The following KIAA1549L variants were observed in gnomAD, a reference collection of about 807,000 sequenced individuals.
KIAA1549L encodes the protein KIAA1549 like.
KIAA1549L carries 88 observed loss-of-function variants against 160.7 expected under a neutral mutation model. The ratio of observed to expected loss-of-function variants is 0.55; its 90% CI spans 0.46 to 0.65. The LOEUF is 0.65. Among genes scored for constraint, KIAA1549L ranks in the 30% least tolerant of loss-of-function variants. The pLI is 0.00. For synonymous variants in KIAA1549L, 950 were observed against 976.7 expected, an observed-to-expected ratio of 0.97 and a Z score of 0.51; for missense variants, 2,258 against 2,437.5, an observed-to-expected ratio of 0.93 and a Z score of 1.55.
intron 1 of KIAA1549L, among the ~76,000 whole-genome samples, chr11:33,507,966 C>A (rs1297558248): frequency 6.6e-6 from 1 of 152,184 alleles, no homozygotes; most frequent in South Asian, 2.1e-4. Flanking sequence ...TCAGGAATAA[C>A]TGTCAAAAAC....
intron 16 of KIAA1549L, among the ~76,000 whole-genome samples, chr11:33,619,351 AC>A (rs1850901784): frequency 6.6e-6 from 1 of 152,130 alleles, no homozygotes; most frequent in South Asian, 2.1e-4. Context: ...TTGAATCTAC[AC>A]CTAGGTTTGT....
intron 1 of KIAA1549L, among the ~76,000 whole-genome samples, chr11:33,396,233 C>A (rs1850370879): frequency 6.6e-6 from 1 of 152,128 alleles, no homozygotes; most frequent in Non-Finnish European, 1.5e-5. Flanking sequence ...ATTGGAACCC[C>A]ACCTTTCCCT....
chr11:33,392,852 C>T (rs1470686483), intron 1 of KIAA1549L, among the ~76,000 whole-genome samples: 1 of 152,174 alleles, frequency 6.6e-6, no homozygotes, highest in Non-Finnish European at 1.5e-5. Flanking sequence ...AGGTGTGAGC[C>T]ACTGGGCCTA....
chr11:33,658,649 G>A, intron 18 of KIAA1549L, 101 bp from the exon 19 acceptor site: 2 of 1,206,194 alleles, frequency 1.7e-6, no homozygotes, highest in Admixed American at 4.2e-5. Flanking sequence ...GAGGCTTGGA[G>A]GCAGCTGTCC....
intron 1 of KIAA1549L, among the ~76,000 whole-genome samples, chr11:33,491,484 C>T (rs888112461): frequency 2.0e-5 from 3 of 152,118 alleles, no homozygotes; most frequent in African/African-American, 7.2e-5. Context: ...GGAAGAAGGA[C>T]CTTCCAGTTT....
chr11:33,634,765 C>T (rs1221664082), intron 16 of KIAA1549L, among the ~76,000 whole-genome samples: 2 of 152,066 alleles, frequency 1.3e-5, no homozygotes, highest in African/African-American at 4.8e-5. Flanking sequence ...TCTGAAAGGT[C>T]CTCTCTGAAA....
chr11:33,395,061 A>G (rs933243807), intron 1 of KIAA1549L, among the ~76,000 whole-genome samples: 7 of 152,302 alleles, frequency 4.6e-5, no homozygotes, highest in African/African-American at 1.7e-4. Context: ...ACCTGACCCA[A>G]TTCATTTCTT....
chr11:33,521,973 A>G (rs1279322160), intron 1 of KIAA1549L, among the ~76,000 whole-genome samples: 3 of 152,224 alleles, frequency 2.0e-5, no homozygotes. Flanking sequence ...TTTAATGTAG[A>G]TAGACCTTAT....
intron 1 of KIAA1549L, among the ~76,000 whole-genome samples, chr11:33,521,503 T>C (rs1853492856): frequency 1.3e-5 from 2 of 152,240 alleles, no homozygotes; most frequent in African/African-American, 4.8e-5. Flanking sequence ...AATGCTGGAC[T>C]GTAGGAAGTA....
rs562802713 is a variant in KIAA1549L, at chr11:33,525,181, TAG to T, written c.239-16618_239-16617del. On this transcript the variant is annotated intron_variant, in intron 1 of 20. Coordinates refer to ENST00000658780, the MANE Select transcript of KIAA1549L (RefSeq NM_012194.3). ...ATACCAGGAAAACCGAAATAATTCA[TAG>T]AGTCTTTGAAAGAAGTGGCTTGCCA... Among the ~76,000 whole-genome samples, 36 of 152,272 alleles carry T rather than the reference TAG, an allele frequency of 2.4e-4. No individual in the cohort carries two copies. In the East Asian group the frequency reaches 5.4e-3, roughly 23 times the overall value.
chr11:33,558,665 C>T (rs978891064), intron 6 of KIAA1549L, among the ~76,000 whole-genome samples: 3 of 152,142 alleles, frequency 2.0e-5, no homozygotes, highest in Middle Eastern at 3.2e-3. Context: ...CATACATTGA[C>T]CCAGAAAGCT....
At chr11:33,492,578 TG>T (rs887105526) in intron 1 of KIAA1549L, among the ~76,000 whole-genome samples, 3 of 152,200 alleles carry the variant, frequency 2.0e-5, no homozygotes, top group African/African-American at 7.2e-5. Context: ...TTCTACTTTT[TG>T]TTATTTAGGC....
intron 1 of KIAA1549L, among the ~76,000 whole-genome samples, chr11:33,457,342 T>C (rs2132987948): frequency 6.6e-6 from 1 of 152,290 alleles, no homozygotes; most frequent in Middle Eastern, 3.4e-3. Flanking sequence ...TGGTCAAAGA[T>C]AGGAGAAGTT....
intron 1 of KIAA1549L, among the ~76,000 whole-genome samples, chr11:33,463,224 G>A (rs560732390): frequency 9.2e-5 from 14 of 152,158 alleles, no homozygotes; most frequent in South Asian, 4.2e-4. Flanking sequence ...CCATATACAC[G>A]TCACTTAGCA....
intron 1 of KIAA1549L, among the ~76,000 whole-genome samples, chr11:33,476,519 T>G (rs1202216607): frequency 6.6e-6 from 1 of 152,210 alleles, no homozygotes; most frequent in African/African-American, 2.4e-5. Flanking sequence ...TTAAAACTCT[T>G]CAAAGGATTC....
intron 16 of KIAA1549L, among the ~76,000 whole-genome samples, chr11:33,629,673 C>G (rs1469964298): frequency 0.012 from 1,861 of 149,282 alleles, 33 homozygotes; most frequent in African/African-American, 0.043. Context: ...ATTGATTATT[C>G]TAGTTATACA....
rs148655578 is a variant in KIAA1549L at position 33,508,170 on chromosome 11, C to T, written c.239-33632C>T. ...CATCTGCTCCAGGGAACCTAATTCC[C>T]ACATAAAACCTCTGCTGCAAGGGCA... On this transcript the variant is annotated intron_variant, in intron 1 of 20. Transcript: ENST00000658780. Among the ~76,000 whole-genome samples the T allele has an allele frequency of 2.3e-3, 353 of 152,330 alleles. 3 individuals carry two copies. The highest frequency in any genetic ancestry group is 8.0e-3 in the African/African-American group (331 of 41,578).
intron 1 of KIAA1549L, among the ~76,000 whole-genome samples, chr11:33,456,537 A>G (rs1199344646): frequency 1.3e-5 from 2 of 151,902 alleles, no homozygotes; most frequent in East Asian, 1.9e-4. Context: ...CAGCCTCCCT[A>G]GTAGCTGGGA....
chr11:33,514,465 T>A (rs1298603590), intron 1 of KIAA1549L, among the ~76,000 whole-genome samples: 1 of 152,192 alleles, frequency 6.6e-6, no homozygotes, highest in Non-Finnish European at 1.5e-5. Context: ...TGTGCCAGAT[T>A]AGGAGGACTT....
Sources: allele counts gnomAD v4.1 joint callset (sites outside exome capture counted in the v4.1 genomes callset), GRCh38; gene constraint gnomAD v4.1.1; transcripts MANE v1.5; gene names NCBI Gene and HGNC (gene_info 2026-07-23, HGNC 2026-07-21).